PSD3: variants seen among roughly 807,000 people sequenced by gnomAD.
PSD3 encodes the protein pleckstrin and Sec7 domain containing 3, also known as PH and SEC7 domain-containing protein 3.
In PSD3, 49 loss-of-function variants were observed where a neutral mutation model predicts 105.5. The ratio of observed to expected loss-of-function variants is 0.46; its 90% confidence interval spans 0.37 to 0.59. PSD3 has a LOEUF of 0.59. Among genes scored for constraint, PSD3 ranks in the 20% least tolerant of loss-of-function variants. PSD3 has a pLI of 0.00. For synonymous variants in PSD3, 557 were observed against 457.8 expected, an observed-to-expected ratio of 1.22 and a Z score of -2.77; for missense variants, 1,561 against 1,263.8, an observed-to-expected ratio of 1.24 and a Z score of -3.57.
chr8:18,596,692 G>A (rs549829987), intron 12 of PSD3, among the ~76,000 whole-genome samples: 21 of 152,126 alleles, frequency 1.4e-4, no homozygotes, highest in African/African-American at 5.1e-4. Context: ...AAACTGTTAT[G>A]AACAATTATA....
At chr8:19,084,302 G>C (rs1319554044) in exon 1 of PSD3, 1 of 456,274 alleles carries the variant, frequency 2.2e-6, no homozygotes, top group Non-Finnish European at 4.4e-6. Context: ...CCTGCGCTGT[G>C]GTACCTGTGG....
At position 18,725,656 on chromosome 8, in the gene PSD3, C is replaced by A. The variant is rs947789469; in HGVS notation, c.2172+39793G>T. On this transcript the variant is annotated intron_variant, in intron 9 of 15. Transcript: ENST00000327040. ...GAAGAAGAAGACCCACTGAAAGGAA[C>A]TTTTATTTTTCCTTTTTGTTTTATT... Among the ~76,000 whole-genome samples the A allele has an allele frequency of 2.0e-5, 3 of 152,122 alleles. No homozygotes were observed. The East Asian group carries it at 5.8e-4, about 29-fold the overall frequency.
At chr8:18,712,039 T>C (rs1173267240) in intron 9 of PSD3, among the ~76,000 whole-genome samples, 2 of 152,030 alleles carry the variant, frequency 1.3e-5, no homozygotes, top group Non-Finnish European at 2.9e-5. Flanking sequence ...GAGTAAATAA[T>C]GAAATTAAGG....
chr8:18,562,157 G>A (rs1585245331), intron 14 of PSD3, among the ~76,000 whole-genome samples: 1 of 152,164 alleles, frequency 6.6e-6, no homozygotes, highest in African/African-American at 2.4e-5. Context: ...AGCAGGCACT[G>A]TGCTGGGTGC....
intron 11 of PSD3, among the ~76,000 whole-genome samples, chr8:18,603,102 T>A (rs1443703232): frequency 6.6e-6 from 1 of 152,182 alleles, no homozygotes. Flanking sequence ...GTATCTTCCG[T>A]GAGAAAGTGT....
At position 18,765,492 on chromosome 8, in the gene PSD3, T is replaced by C. The variant is rs368346707; in HGVS notation, c.2129A>G (p.Gln710Arg). The C allele has an allele frequency of 3.1e-6, 5 of 1,613,258 alleles. No individual in the cohort carries two copies. In the African/African-American group the frequency reaches 5.3e-5, roughly 17 times the overall value. The change falls in exon 9 of 16, where the codon CAA becomes CGA. Residue 710 changes from glutamine (Q) to arginine (R), a missense_variant. Transcript: ENST00000327040. ...MTCQEFIANL[Q>R]GVNEGVDFSK... ...GAAATCAACACCCTCATTTACCCCTTGCAGATTTGCAATGAACTCCTGACA... is the reference window on the plus strand; with the variant it reads ...GAAATCAACACCCTCATTTACCCCTCGCAGATTTGCAATGAACTCCTGACA...
At chr8:18,614,709 G>A (rs1041951706) in intron 11 of PSD3, among the ~76,000 whole-genome samples, 1 of 152,002 alleles carries the variant, frequency 6.6e-6, no homozygotes, top group Non-Finnish European at 1.5e-5. Flanking sequence ...GCTCACTGCA[G>A]CCTCCAATTG....
Position 18,556,364 on chromosome 8 carries a change from C to T in PSD3, c.2785-12G>A, listed in dbSNP as rs777151963. The T allele has an allele frequency of 2.2e-5, 36 of 1,605,280 alleles. No individual in the cohort carries two copies. The highest frequency in any genetic ancestry group is 2.9e-5 in the Non-Finnish European group (34 of 1,177,100). On this transcript the variant is annotated splice_polypyrimidine_tract_variant and intron_variant, in intron 14 of 15. Transcript: ENST00000327040. ...TTCAGTTGCTCCTCCTGCAGGAAAT[C>T]ATGATGCCATTTAGCGTTCAAAAAA...
chr8:19,033,943 G>A (rs1415619258), intron 1 of PSD3, among the ~76,000 whole-genome samples: 1 of 152,140 alleles, frequency 6.6e-6, no homozygotes, highest in Non-Finnish European at 1.5e-5. Flanking sequence ...CTCACTGATA[G>A]AGGGGTTAAG....
chr8:18,536,365 G>A (rs192651939), intron 15 of PSD3, among the ~76,000 whole-genome samples: 3 of 152,244 alleles, frequency 2.0e-5, no homozygotes, highest in Non-Finnish European at 2.9e-5. Flanking sequence ...GGTAGTCCAG[G>A]CCTCACAAGA....
In PSD3 at chr8:19,011,780, A is replaced by C. The variant is rs572498777; in HGVS notation, c.21+1783T>G. The stretch of plus-strand genomic sequence containing the variant: ...CTTATGCTCGCATTTAAAAAAAAAA[A>C]AACAACAACAACATTCAACCACGGA... On this transcript the variant is annotated intron_variant, in intron 1 of 15. Transcript: ENST00000327040. Among the ~76,000 whole-genome samples the C allele has an allele frequency of 1.3e-3, 192 of 152,028 alleles. 2 individuals are homozygous for C. Among genetic ancestry groups the C allele is most frequent in the Middle Eastern group, 3.4e-3 (1 of 294 alleles).
rs1336342576 is a variant in PSD3 at position 18,532,655 on chromosome 8, T to C, written c.*3088A>G. On this transcript the variant is annotated 3_prime_UTR_variant, in exon 16 of 16. Transcript: ENST00000327040. ...CTGCTGAGAGTTAGCAAAATGATGT[T>C]TCAAAAAAGTGCACTTCAGAAATGC... 1 of 152,206 alleles carries C rather than the reference T, an allele frequency of 6.6e-6. No homozygotes were observed. The highest frequency in any genetic ancestry group is 1.5e-5 in the Non-Finnish European group (1 of 68,044). 9.4% of individuals were successfully genotyped at this position (152,206 alleles called of 1,614,324 possible).
intron 1 of PSD3, among the ~76,000 whole-genome samples, chr8:18,990,799 A>T (rs1407854402): frequency 1.3e-5 from 2 of 152,180 alleles, no homozygotes; most frequent in Non-Finnish European, 2.9e-5. Context: ...CATGATCTGT[A>T]ATTCCCCTGA....
intron 1 of PSD3, among the ~76,000 whole-genome samples, chr8:18,994,344 G>C (rs948736582): frequency 6.6e-6 from 1 of 151,938 alleles, no homozygotes; most frequent in African/African-American, 2.4e-5. Flanking sequence ...TTTTACGGTA[G>C]ATTTTAAGAT....
chr8:18,756,836 G>T (rs1051347587), intron 9 of PSD3, among the ~76,000 whole-genome samples: 7 of 148,774 alleles, frequency 4.7e-5, no homozygotes, highest in Non-Finnish European at 9.0e-5. Context: ...GGCACAAAGT[G>T]AAATGATCAC....
chr8:18,771,821 G>T lies in PSD3; in HGVS notation c.2083-6283C>A, dbSNP rs75277958. ...ACATTAGTATATTCACACTGTTGTG[G>T]AACAGAATTCCAAAACTTTTTCACC... On this transcript the variant is annotated intron_variant, in intron 8 of 15. Transcript: ENST00000327040. 1.8e-4 allele frequency among the ~76,000 whole-genome samples: 28 copies of T among 152,264 alleles called. No individual in the cohort carries two copies. In the East Asian group the frequency reaches 5.2e-3, roughly 28 times the overall value.
chr8:18,547,661 G>A (rs1017915546), intron 15 of PSD3, among the ~76,000 whole-genome samples: 1 of 152,274 alleles, frequency 6.6e-6, no homozygotes, highest in Admixed American at 6.5e-5. Flanking sequence ...ATAAGTGGCA[G>A]GTATGTGTAA....
intron 12 of PSD3, among the ~76,000 whole-genome samples, chr8:18,584,462 T>G (rs1262320900): frequency 6.6e-6 from 1 of 152,236 alleles, no homozygotes; most frequent in African/African-American, 2.4e-5. Context: ...AGTACCATCT[T>G]TACAATACTG....
chr8:18,727,101 G>T (rs1476451511), intron 9 of PSD3, among the ~76,000 whole-genome samples: 2 of 152,080 alleles, frequency 1.3e-5, no homozygotes, highest in Admixed American at 1.3e-4. Context: ...ACTTTGGGAG[G>T]CCGAAGTGGG....
Sources: gnomAD v4.1 joint callset for allele counts (sites outside exome capture counted in the v4.1 genomes callset) on GRCh38, gnomAD v4.1.1 for gene constraint, MANE v1.5 for transcripts, NCBI Gene and HGNC (gene_info 2026-07-23, HGNC 2026-07-21) for gene names.